ATG7: variants seen among roughly 807,000 people sequenced by gnomAD.
The protein encoded by ATG7 is autophagy related 7.
Under a neutral mutation model 82.4 loss-of-function variants are expected in ATG7, and 70 were observed. The observed-to-expected ratio is 0.85, with a 90% CI of 0.70 to 1.04. The LOEUF is 1.04. Ranked by LOEUF, ATG7 falls within the 50% of genes least tolerant of loss-of-function variation. The pLI, the probability that ATG7 is intolerant of heterozygous loss-of-function variation, is 0.00. For synonymous variants in ATG7, 287 were observed against 313.0 expected, an observed-to-expected ratio of 0.92 and a Z score of 0.88; for missense variants, 792 against 864.3, an observed-to-expected ratio of 0.92 and a Z score of 1.05.
chr3:11,320,891 T>C (rs1267320877), intron 9 of ATG7, among the ~76,000 whole-genome samples: 1 of 152,256 alleles, frequency 6.6e-6, no homozygotes, highest in African/African-American at 2.4e-5. Context: ...GTGAGCATTC[T>C]GTTGTCTGGT....
intron 19 of ATG7, among the ~76,000 whole-genome samples, chr3:11,384,482 T>C (rs2078161911): frequency 6.6e-6 from 1 of 152,200 alleles, no homozygotes; most frequent in South Asian, 2.1e-4. Flanking sequence ...TGACTTGCTA[T>C]TAGCTTTCTG....
intron 20 of ATG7, among the ~76,000 whole-genome samples, chr3:11,436,282 A>G (rs899658453): frequency 2.0e-5 from 3 of 152,358 alleles, no homozygotes; most frequent in African/African-American, 7.2e-5. Flanking sequence ...GATGGCATTC[A>G]TACCCAGTAA....
chr3:11,527,782 A>G (rs2092615482), intron 20 of ATG7, among the ~76,000 whole-genome samples: 1 of 152,268 alleles, frequency 6.6e-6, no homozygotes, highest in South Asian at 2.1e-4. Context: ...TTTAATTTAA[A>G]AACTCAAGTT....
chr3:11,500,716 C>T (rs556677293), intron 20 of ATG7, among the ~76,000 whole-genome samples: 1 of 152,268 alleles, frequency 6.6e-6, no homozygotes, highest in African/African-American at 2.4e-5. Context: ...CTGCAACCTC[C>T]ACCTCCCAGG....
chr3:11,467,120 A>G (rs1559684338), intron 20 of ATG7, among the ~76,000 whole-genome samples: 1 of 131,574 alleles, frequency 7.6e-6, no homozygotes, highest in Admixed American at 8.1e-5. Context: ...GTGAAACCCC[A>G]TCTCAGAAAA....
chr3:11,339,053 T>C (rs1243440216), intron 11 of ATG7, among the ~76,000 whole-genome samples: 1 of 151,986 alleles, frequency 6.6e-6, no homozygotes, highest in Non-Finnish European at 1.5e-5. Context: ...TCCCACCACT[T>C]TGGGAGGCCA....
intron 11 of ATG7, among the ~76,000 whole-genome samples, chr3:11,337,324 G>A (rs1175017290): frequency 1.3e-5 from 2 of 152,036 alleles, no homozygotes; most frequent in African/African-American, 2.4e-5. Flanking sequence ...ATGGTGGTGC[G>A]CACCTGTAGT....
At chr3:11,349,755 G>A (rs1266799397) in intron 14 of ATG7, among the ~76,000 whole-genome samples, 1 of 152,106 alleles carries the variant, frequency 6.6e-6, no homozygotes, top group Non-Finnish European at 1.5e-5. Context: ...ATACTTGGTG[G>A]TTACTTAGTA....
intron 19 of ATG7, among the ~76,000 whole-genome samples, chr3:11,421,310 C>G (rs542870185): frequency 6.6e-6 from 1 of 152,260 alleles, no homozygotes; most frequent in East Asian, 1.9e-4. Flanking sequence ...CACAGCAGAA[C>G]GTCTTTAAAA....
Position 11,334,953 on chromosome 3 carries a change from CAAAAAAAA to C in ATG7, c.889+1876_889+1883del, listed in dbSNP as rs57211483. ...TGGGTGACAGAGCAAGACTCTGTCT[CAAAAAAAA>C]AAAAAAAAAAAAAAATCTCTTCTGA... On this transcript the variant is annotated intron_variant, in intron 11 of 20. Transcript: ENST00000693202. 3.4e-3 allele frequency among the ~76,000 whole-genome samples: 406 copies of C among 119,524 alleles called. 3 individuals carry two copies. Among genetic ancestry groups the C allele is most frequent in the South Asian group, 0.019 (66 of 3,538 alleles). 78.4% of individuals were successfully genotyped at this position (119,524 alleles called of 152,430 possible). A position where few individuals can be genotyped will look rare whatever the true frequency, so the allele number is the denominator to read the frequency against.
chr3:11,566,876 A>G, the ATG7 span, among the ~76,000 whole-genome samples: 1 of 152,176 alleles, frequency 6.6e-6, no homozygotes, highest in South Asian at 2.1e-4. Flanking sequence ...AGGGGTGCAC[A>G]GAGACTTAAC....
chr3:11,335,433 T>C (rs1248082193), intron 11 of ATG7, among the ~76,000 whole-genome samples: 2 of 152,124 alleles, frequency 1.3e-5, no homozygotes, highest in Admixed American at 1.3e-4. Context: ...AGTTTATGAA[T>C]TTGTGTTGGG....
intron 19 of ATG7, among the ~76,000 whole-genome samples, chr3:11,422,600 A>G (rs1426666202): frequency 1.3e-5 from 2 of 152,088 alleles, no homozygotes; most frequent in African/African-American, 4.8e-5. Context: ...TTGTGTGTTC[A>G]TTGGAGTAGC....
chr3:11,463,961 G>A (rs1389230297), intron 20 of ATG7, among the ~76,000 whole-genome samples: 1 of 152,240 alleles, frequency 6.6e-6, no homozygotes, highest in Non-Finnish European at 1.5e-5. Flanking sequence ...CAGGAAGACA[G>A]GATGGTGGCA....
At chr3:11,451,001 T>A (rs2152984640) in intron 20 of ATG7, among the ~76,000 whole-genome samples, 1 of 152,342 alleles carries the variant, frequency 6.6e-6, no homozygotes, top group Admixed American at 6.5e-5. Flanking sequence ...GCCTTGCCTG[T>A]ACCAAATACA....
At chr3:11,397,799 T>A (rs2079447315) in intron 19 of ATG7, among the ~76,000 whole-genome samples, 1 of 142,778 alleles carries the variant, frequency 7.0e-6, no homozygotes, top group Non-Finnish European at 1.5e-5. Flanking sequence ...TTTTAATGAA[T>A]CGGCTGGGCG....
In ATG7 at chr3:11,514,988, G is replaced by A. The variant is rs142301064; in HGVS notation, c.2080-39823G>A. 1.8e-4 allele frequency among the ~76,000 whole-genome samples: 27 copies of A among 151,762 alleles called. No individual in the cohort carries two copies. In the East Asian group the frequency reaches 2.0e-3, roughly 11 times the overall value. ...CCTGAGTAGCTGGGATTACAGGTGC[G>A]CACCACCACACCCAGCTAAATTTTG... On this transcript the variant is annotated intron_variant, in intron 20 of 20. Coordinates refer to ENST00000693202, the MANE Select transcript of ATG7 (RefSeq NM_001349232.2).
chr3:11,312,117 A>G (rs1042803609), intron 7 of ATG7, among the ~76,000 whole-genome samples: 3 of 152,148 alleles, frequency 2.0e-5, no homozygotes, highest in Non-Finnish European at 2.9e-5. Context: ...CCATATCACT[A>G]TACTAAAAAG....
intron 9 of ATG7, among the ~76,000 whole-genome samples, chr3:11,326,681 G>A (rs559476489): frequency 5.1e-4 from 78 of 152,308 alleles, no homozygotes; most frequent in African/African-American, 1.9e-3. Flanking sequence ...TGTGGCAGAC[G>A]CTATCTGTCA....
Sources: allele counts gnomAD v4.1 joint callset (sites outside exome capture counted in the v4.1 genomes callset), GRCh38; gene constraint gnomAD v4.1.1; transcripts MANE v1.5; gene names NCBI Gene and HGNC (gene_info 2026-07-23, HGNC 2026-07-21).